The following MLC1 variants were observed in gnomAD, a reference collection of about 807,000 sequenced individuals.
MLC1 encodes the protein modulator of VRAC current 1.
A neutral mutation model predicts 44.7 loss-of-function variants in MLC1; 32 were observed. The ratio of observed to expected loss-of-function variants is 0.72; its 90% CI spans 0.54 to 0.96. The LOEUF is 0.96. MLC1 is among the 40% of genes least tolerant of loss of function. The pLI is 0.00. For missense variants in MLC1, 459 were observed against 492.2 expected (o/e 0.93, Z 0.64); for synonymous variants, 190 against 213.0 (o/e 0.89, Z 0.94).
At chr22:50,071,888 C>G (rs1025668695) in intron 8 of MLC1, among the ~76,000 whole-genome samples, 1 of 152,162 alleles carries the variant, frequency 6.6e-6, no homozygotes, top group Non-Finnish European at 1.5e-5. Flanking sequence ...GGGGCTGCAT[C>G]AGCCAGGGGC....
chr22:50,074,890 G>A (rs2061941789), intron 7 of MLC1, among the ~76,000 whole-genome samples: 1 of 152,208 alleles, frequency 6.6e-6, no homozygotes, highest in South Asian at 2.1e-4. Flanking sequence ...CCCTTAATTA[G>A]CATATACTTA....
At position 50,083,048 on chromosome 22, in the gene MLC1, T is replaced by C. The variant is rs1370489182; in HGVS notation, c.267+36A>G. On this transcript the variant is annotated intron_variant, in intron 3 of 11. Coordinates refer to ENST00000311597, the MANE Select transcript of MLC1 (RefSeq NM_015166.4). This position sits in a 1 kb window ranked among gnomAD's most constrained non-coding sequence, Gnocchi z 4.6. Reference sequence around the variant, plus strand: ...GAAACCAGAGCACGTGCCGGCGAGCTTGGGCACTGGCAGAGGCGTGGAGGA... The same window carrying C: ...GAAACCAGAGCACGTGCCGGCGAGCCTGGGCACTGGCAGAGGCGTGGAGGA... The C allele has an allele frequency of 6.3e-7, 1 of 1,596,440 alleles. No homozygotes were observed. The highest frequency in any genetic ancestry group is 8.6e-7 in the Non-Finnish European group (1 of 1,164,238).
At chr22:50,078,434 T>C (rs2062035991) in intron 5 of MLC1, among the ~76,000 whole-genome samples, 1 of 152,138 alleles carries the variant, frequency 6.6e-6, no homozygotes. Flanking sequence ...CTTGAAACAC[T>C]TTTCTTAGAA....
intron 5 of MLC1, among the ~76,000 whole-genome samples, chr22:50,079,191 G>A (rs1382550611): frequency 6.6e-6 from 1 of 152,050 alleles, no homozygotes; most frequent in African/African-American, 2.4e-5. Context: ...GGCTGAGGCA[G>A]GAGAATTGCT....
At position 50,079,900 on chromosome 22, in the gene MLC1, A is replaced by C. The variant is rs369408309; in HGVS notation, c.423+18T>G. 8 of 1,579,574 alleles carry C rather than the reference A, an allele frequency of 5.1e-6. No homozygotes were observed. In the African/African-American group the frequency reaches 1.1e-4, roughly 21 times the overall value. ...GCTGTGGGTGTCAGGCGTCTGCGCG[A>C]AGCTCGTGTGAACTCACGTTTATTG... On this transcript the variant is annotated intron_variant, in intron 5 of 11. Transcript: ENST00000311597.
chr22:50,062,798 C>A (rs530987617), intron 11 of MLC1, among the ~76,000 whole-genome samples: 1 of 152,216 alleles, frequency 6.6e-6, no homozygotes, highest in Non-Finnish European at 1.5e-5. Context: ...GGTCACTGCA[C>A]CTGAGGGTCA....
intron 7 of MLC1, among the ~76,000 whole-genome samples, chr22:50,075,137 C>T (rs2061947959): frequency 6.7e-6 from 1 of 150,216 alleles, no homozygotes; most frequent in Non-Finnish European, 1.5e-5. Flanking sequence ...CAGGGAGGGG[C>T]CGCAACCAGC....
chr22:50,064,827 A>G (rs948475438), intron 10 of MLC1, among the ~76,000 whole-genome samples: 1 of 152,210 alleles, frequency 6.6e-6, no homozygotes, highest in African/African-American at 2.4e-5. Context: ...AAGAAAAACA[A>G]AGCAACTAAA....
In MLC1 at chr22:50,059,748, G is replaced by C. The variant is rs1027687824; in HGVS notation, c.*1835C>G. On this transcript the variant is annotated 3_prime_UTR_variant, in exon 12 of 12. Transcript: ENST00000311597. ...GCAGCCTCTCCTCTCCCACGGTGGCGCTTGTTTGGGGCTGTGGCCAAAGTG... is the reference window on the plus strand; with the variant it reads ...GCAGCCTCTCCTCTCCCACGGTGGCCCTTGTTTGGGGCTGTGGCCAAAGTG... 6.6e-6 allele frequency: 1 copy of C among 152,426 alleles called. No homozygotes were observed. Among genetic ancestry groups the C allele is most frequent in the Middle Eastern group, 3.2e-3 (1 of 316 alleles). 9.4% of individuals were successfully genotyped at this position (152,426 alleles called of 1,614,324 possible).
intron 4 of MLC1, 146 bp downstream of exon 4, chr22:50,080,198 C>G: frequency 8.5e-7 from 1 of 1,175,892 alleles, no homozygotes; most frequent in Non-Finnish European, 1.2e-6. Flanking sequence ...TGGGCAGGAG[C>G]TTTACTGTCT....
rs1346040593 is a variant in MLC1 at position 50,064,263 on chromosome 22, C to T, written c.895-65G>A. 4 of 1,537,004 alleles carry T rather than the reference C, an allele frequency of 2.6e-6. No individual in the cohort carries two copies. In the African/African-American group the frequency reaches 5.4e-5, roughly 21 times the overall value. Reference sequence around the variant, plus strand: ...CCCTCCAGCCCAGGAGACCAAAGCTCCCTCGTGCCCACGGCCTTCACAAAG... The same window carrying T: ...CCCTCCAGCCCAGGAGACCAAAGCTTCCTCGTGCCCACGGCCTTCACAAAG... On this transcript the variant is annotated intron_variant, in intron 10 of 11. Transcript: ENST00000311597.
At chr22:50,062,187 A>ACCC (rs2061577553) in intron 11 of MLC1, among the ~76,000 whole-genome samples, 6 of 113,606 alleles carry the variant, frequency 5.3e-5, no homozygotes, top group Non-Finnish European at 9.1e-5. Context: ...AGCCCCAGCC[A>ACCC]TCCACCCTGA....
intron 9 of MLC1, among the ~76,000 whole-genome samples, chr22:50,068,916 C>T (rs758823354): frequency 2.0e-5 from 3 of 151,102 alleles, no homozygotes; most frequent in Non-Finnish European, 2.9e-5. Flanking sequence ...TAGTAGAGAC[C>T]GTGTTTTGCC....
intron 4 of MLC1, 24 bp from the exon 5 acceptor site, chr22:50,080,043 T>G: frequency 1.3e-6 from 2 of 1,554,690 alleles, no homozygotes; most frequent in Non-Finnish European, 1.8e-6. Context: ...CAGGAGGGGT[T>G]TTCCTTCTTT....
Position 50,079,906 on chromosome 22 carries a change from G to C in MLC1, c.423+12C>G. ...GGTGTCAGGCGTCTGCGCGAAGCTC[G>C]TGTGAACTCACGTTTATTGCTGATG... On this transcript the variant is annotated intron_variant, in intron 5 of 11. Transcript: ENST00000311597. 1 of 1,592,766 alleles carries C rather than the reference G, an allele frequency of 6.3e-7. No homozygotes were observed. The highest frequency in any genetic ancestry group is 8.6e-7 in the Non-Finnish European group (1 of 1,160,594).
At chr22:50,080,235 G>C in intron 4 of MLC1, 109 bp downstream of exon 4, 2 of 1,405,338 alleles carry the variant, frequency 1.4e-6, no homozygotes, top group Non-Finnish European at 9.8e-7. Context: ...GGCCCCTCTC[G>C]GTGCCACAAC....
intron 8 of MLC1, among the ~76,000 whole-genome samples, chr22:50,071,048 A>C (rs538375875): frequency 2.2e-4 from 33 of 152,014 alleles, no homozygotes; most frequent in African/African-American, 7.7e-4. Context: ...CCATGCCCAG[A>C]TTCTTCCAGT....
At chr22:50,082,278 G>A (rs937768779) in intron 3 of MLC1, among the ~76,000 whole-genome samples, 2 of 152,130 alleles carry the variant, frequency 1.3e-5, no homozygotes, top group Non-Finnish European at 2.9e-5. Context: ...CATGGCTTGC[G>A]GGCCAGAGCC....
Position 50,077,775 on chromosome 22 carries a change from C to T in MLC1, c.424-273G>A, listed in dbSNP as rs571100100. ...GGATTTGGCCTTGGGCTCTGGTCTA[C>T]CGACCCCATTCTGAACGCTCCTTGT... is the stretch of plus-strand genomic sequence containing the variant. On this transcript the variant is annotated intron_variant, in intron 5 of 11. Transcript: ENST00000311597. Among the ~76,000 whole-genome samples, 25 of 152,278 alleles carry T rather than the reference C, an allele frequency of 1.6e-4. 1 individual carries two copies. In the South Asian group the frequency reaches 4.8e-3, roughly 29 times the overall value.
Sources: allele counts gnomAD v4.1 joint callset (sites outside exome capture counted in the v4.1 genomes callset), GRCh38; gene constraint gnomAD v4.1.1; non-coding constraint Gnocchi (gnomAD v3.1); transcripts MANE v1.5; gene names NCBI Gene and HGNC (gene_info 2026-07-23, HGNC 2026-07-21).